COX7B2: variants seen among roughly 807,000 people sequenced by gnomAD.
The protein encoded by COX7B2 is cytochrome c oxidase subunit 7B2, also known as cytochrome c oxidase subunit 7B2, mitochondrial.
For missense variants in COX7B2, 109 were observed against 95.9 expected, an observed-to-expected ratio of 1.14 and a Z score of -0.57; for synonymous variants, 37 against 32.1, an observed-to-expected ratio of 1.15 and a Z score of -0.51.
chr4:46,884,858 T>G, intron 1 of COX7B2, among the ~76,000 whole-genome samples: 1 of 152,030 alleles, frequency 6.6e-6, no homozygotes, highest in East Asian at 1.9e-4. Context: ...AATATTGGCT[T>G]CAAACAATCT....
intron 2 of COX7B2, among the ~76,000 whole-genome samples, chr4:46,823,029 A>T (rs1325939282): frequency 6.6e-6 from 1 of 152,178 alleles, no homozygotes; most frequent in South Asian, 2.1e-4. Context: ...TTTCCTTAAC[A>T]TGGAAATGTG....
intron 2 of COX7B2, among the ~76,000 whole-genome samples, chr4:46,813,177 A>G (rs1719374163): frequency 6.6e-6 from 1 of 152,186 alleles, no homozygotes; most frequent in African/African-American, 2.4e-5. Context: ...ACAAGATTTC[A>G]TTCCTTTATA....
intron 2 of COX7B2, among the ~76,000 whole-genome samples, chr4:46,790,772 A>G (rs1717999716): frequency 6.6e-6 from 1 of 152,154 alleles, no homozygotes; most frequent in Non-Finnish European, 1.5e-5. Flanking sequence ...GATAAACCCG[A>G]TTCACATGGC....
rs188690624 is a variant in COX7B2 at position 46,781,234 on chromosome 4, T to C, written c.-49-45993A>G. ...CAGTTCTGCTCTGGACTTTATACCA[T>C]TTAATATACTTATATACTGCTATTC... On this transcript the variant is annotated intron_variant, in intron 2 of 2. Transcript: ENST00000355591. Among the ~76,000 whole-genome samples, 6 of 152,290 alleles carry C rather than the reference T, an allele frequency of 3.9e-5. No homozygotes were observed. In the East Asian group the frequency reaches 9.7e-4, roughly 25 times the overall value.
At chr4:46,749,839 A>C (rs1276867642) in intron 2 of COX7B2, among the ~76,000 whole-genome samples, 1 of 152,200 alleles carries the variant, frequency 6.6e-6, no homozygotes, top group Non-Finnish European at 1.5e-5. Context: ...ACTCTAACAC[A>C]CTGGGAATAA....
chr4:46,820,357 G>A (rs1302057928), intron 2 of COX7B2, among the ~76,000 whole-genome samples: 1 of 152,122 alleles, frequency 6.6e-6, no homozygotes, highest in African/African-American at 2.4e-5. Flanking sequence ...TGGAACTCAG[G>A]CAATGACGTG....
At chr4:46,776,831 T>G (rs1002951422) in intron 2 of COX7B2, among the ~76,000 whole-genome samples, 3 of 152,086 alleles carry the variant, frequency 2.0e-5, no homozygotes, top group Non-Finnish European at 2.9e-5. Context: ...TCTCCAACAG[T>G]TCTATCCCAG....
At chr4:46,745,051 G>T (rs943025729) in intron 2 of COX7B2, among the ~76,000 whole-genome samples, 10 of 152,074 alleles carry the variant, frequency 6.6e-5, no homozygotes, top group Non-Finnish European at 1.5e-4. Flanking sequence ...AATTTTTAAA[G>T]ACACATTTAC....
At chr4:46,892,847 A>G (rs910360890) in intron 1 of COX7B2, among the ~76,000 whole-genome samples, 8 of 152,108 alleles carry the variant, frequency 5.3e-5, no homozygotes, top group African/African-American at 1.9e-4. Context: ...CGCAAGAGGG[A>G]CCCAGTGGGA....
At chr4:46,786,542 T>A (rs1178753832) in intron 2 of COX7B2, among the ~76,000 whole-genome samples, 2 of 152,226 alleles carry the variant, frequency 1.3e-5, no homozygotes, top group Non-Finnish European at 2.9e-5. Flanking sequence ...TAGTCACTTG[T>A]ACAATATCTA....
At chr4:46,768,028 CGGTTGCCCGCAACCTCT>C (rs1429636895) in intron 2 of COX7B2, among the ~76,000 whole-genome samples, 1 of 152,244 alleles carries the variant, frequency 6.6e-6, no homozygotes, top group Non-Finnish European at 1.5e-5. Flanking sequence ...GCAGCGTCAG[CGGTTGCCCGCAACCTCT>C]GGAACCCCAA....
intron 2 of COX7B2, among the ~76,000 whole-genome samples, chr4:46,735,474 CA>C (rs1431076758): frequency 1.3e-5 from 2 of 152,130 alleles, no homozygotes; most frequent in African/African-American, 4.8e-5. Flanking sequence ...AAGAAAACAA[CA>C]ACAAGGTAAG....
chr4:46,739,211 A>C (rs1413794501), intron 2 of COX7B2, among the ~76,000 whole-genome samples: 1 of 152,090 alleles, frequency 6.6e-6, no homozygotes, highest in African/African-American at 2.4e-5. Context: ...TACACCTAAG[A>C]ACAAATGACA....
At chr4:46,832,133 C>G (rs62305186) in intron 2 of COX7B2, among the ~76,000 whole-genome samples, 500 of 152,258 alleles carry the variant, frequency 3.3e-3, no homozygotes, top group Non-Finnish European at 6.1e-3. Flanking sequence ...CCCTTCCACA[C>G]CGTGGAAGGT....
chr4:46,908,115 T>G (rs1030065025), intron 1 of COX7B2, among the ~76,000 whole-genome samples: 2 of 152,056 alleles, frequency 1.3e-5, no homozygotes, highest in African/African-American at 4.8e-5. Context: ...CCTCCCAAAC[T>G]GCTGGGATTA....
At chr4:46,755,628 A>G (rs888148282) in intron 2 of COX7B2, among the ~76,000 whole-genome samples, 13 of 152,136 alleles carry the variant, frequency 8.5e-5, no homozygotes, top group Non-Finnish European at 1.8e-4. Context: ...TTTCAAGATA[A>G]AAAATAAAGT....
intron 2 of COX7B2, among the ~76,000 whole-genome samples, chr4:46,756,952 A>C (rs2109456226): frequency 6.6e-6 from 1 of 152,184 alleles, no homozygotes; most frequent in Admixed American, 6.6e-5. Context: ...CCCAAAGGAA[A>C]AGAAATCATT....
In COX7B2 at chr4:46,766,823, C is replaced by T. The variant is rs555097787; in HGVS notation, c.-49-31582G>A. Among the ~76,000 whole-genome samples the T allele has an allele frequency of 2.6e-5, 4 of 151,820 alleles. No homozygotes were observed. In the East Asian group the frequency reaches 7.7e-4, roughly 29 times the overall value. On this transcript the variant is annotated intron_variant, in intron 2 of 2. Coordinates refer to ENST00000355591, the MANE Select transcript of COX7B2 (RefSeq NM_130902.3). Reference sequence around the variant, plus strand: ...ACAATTATAAAATATTTTATGTAAGCTCCATAGTAACCACAAAGTCAATCT... The same window carrying T: ...ACAATTATAAAATATTTTATGTAAGTTCCATAGTAACCACAAAGTCAATCT...
chr4:46,855,781 G>A (rs1422236897), intron 1 of COX7B2, among the ~76,000 whole-genome samples: 2 of 152,064 alleles, frequency 1.3e-5, no homozygotes, highest in Non-Finnish European at 2.9e-5. Context: ...TCAGACAGGT[G>A]TTTAAGTATT....
Sources: gnomAD v4.1 joint callset for allele counts (sites outside exome capture counted in the v4.1 genomes callset) on GRCh38, gnomAD v4.1.1 for gene constraint, MANE v1.5 for transcripts, NCBI Gene and HGNC (gene_info 2026-07-23, HGNC 2026-07-21) for gene names.